Variants in C4orf50 observed in about 807,000 individuals in gnomAD.
C4orf50 encodes the protein uncharacterized protein C4orf50.
In C4orf50, 80 loss-of-function variants were observed where a neutral mutation model predicts 77.2. That is an observed-to-expected ratio of 1.04 (90% CI 0.87 to 1.25). C4orf50 has a LOEUF of 1.25. Ranked by LOEUF, C4orf50 falls within the 50% of genes most tolerant of loss-of-function variation. The probability of loss-of-function intolerance (pLI) is 0.00; values close to 1 mark genes in which losing one functional copy is unlikely to be tolerated. For synonymous variants in C4orf50, 532 were observed against 465.3 expected (o/e 1.14, Z -1.84); for missense variants, 1,257 against 1,152.9 (o/e 1.09, Z -1.31).
chr4:5,989,825 C>T, exon 28 of C4orf50: 1 of 1,482,410 alleles, frequency 6.7e-7, no homozygotes, highest in South Asian at 1.3e-5. Flanking sequence ...CCCCTGCACC[C>T]CAGACCGGAT....
intron 7 of C4orf50, among the ~76,000 whole-genome samples, chr4:5,935,612 C>G (rs1272016281): frequency 1.3e-5 from 2 of 151,664 alleles, no homozygotes; most frequent in Non-Finnish European, 2.9e-5. Flanking sequence ...ATAGTGAAAC[C>G]CCGTCTGTAC....
intron 7 of C4orf50, among the ~76,000 whole-genome samples, chr4:5,948,822 G>A (rs111923123): frequency 0.34 from 51,236 of 148,932 alleles, 9,343 homozygotes; most frequent in African/African-American, 0.39. Flanking sequence ...TTAGCCAGGC[G>A]TGGTGGTGGA....
At chr4:5,907,959 G>A (rs1166091207) in intron 7 of C4orf50, among the ~76,000 whole-genome samples, 2 of 152,222 alleles carry the variant, frequency 1.3e-5, no homozygotes, top group African/African-American at 4.8e-5. Flanking sequence ...AATCAGCTCA[G>A]AAAGCTGGTT....
rs1489785712 is a variant in C4orf50 at position 6,004,286 on chromosome 4, TTGGTGATGA to T, written c.963+3701_963+3709del. 7.6e-3 allele frequency among the ~76,000 whole-genome samples: 216 copies of T among 28,446 alleles called. 5 individuals carry two copies. The highest frequency in any genetic ancestry group is 0.011 in the Non-Finnish European group (143 of 12,484). The allele number at this position is 28,446 out of a possible 152,430, so 18.7% of individuals were successfully genotyped here. On this transcript the variant is annotated intron_variant, in intron 25 of 33. Coordinates refer to ENST00000531445, the Ensembl canonical transcript of C4orf50. ...GATGGTGGTGATGGTGATGGTGATGTTGGTGATGATGGTGATGGTGGTGATGATGTGATC... is the reference window on the plus strand; with the variant it reads ...GATGGTGGTGATGGTGATGGTGATGTTGGTGATGGTGGTGATGATGTGATC...
At position 5,928,631 on chromosome 4, in the gene C4orf50, G is replaced by A. The variant is rs115612957; in HGVS notation, c.*2474+28270C>T. ...ATGAACACCCTGCATGCTTCCCGGT[G>A]ATAAAACATCTCCCTGGGGCCAGAA... On this transcript the variant is annotated intron_variant, in intron 7 of 7. Coordinates refer to the C4orf50 transcript ENST00000324058. 3.5e-3 allele frequency among the ~76,000 whole-genome samples: 533 copies of A among 152,286 alleles called. 1 individual carries two copies. Among genetic ancestry groups the A allele is most frequent in the African/African-American group, 0.012 (508 of 41,552 alleles).
rs936675615 is a variant in C4orf50 at position 5,992,304 on chromosome 4, A to T, written c.1221+499T>A. Among the ~76,000 whole-genome samples, 3 of 152,126 alleles carry T rather than the reference A, an allele frequency of 2.0e-5. No individual in the cohort carries two copies. Among genetic ancestry groups the T allele is most frequent in the Non-Finnish European group, 2.9e-5 (2 of 68,016 alleles). ...CCCAGCACAGCTCTGTTCCTCAGGG[A>T]TGAGAAAATGGAAGTGGAGAAAGGT... On this transcript the variant is annotated intron_variant, in intron 27 of 33. Coordinates refer to ENST00000531445, the Ensembl canonical transcript of C4orf50. This position sits in a 1 kb window ranked among gnomAD's most constrained non-coding sequence, Gnocchi z 5.0.
At chr4:5,907,396 A>G (rs139726805) in intron 7 of C4orf50, among the ~76,000 whole-genome samples, 399 of 152,330 alleles carry the variant, frequency 2.6e-3, no homozygotes, top group African/African-American at 9.1e-3. Flanking sequence ...CATCTGAGAG[A>G]CAATCATCAG....
intron 7 of C4orf50, among the ~76,000 whole-genome samples, chr4:5,925,872 A>G (rs574573449): frequency 4.7e-4 from 71 of 152,294 alleles, no homozygotes; most frequent in African/African-American, 1.6e-3. Flanking sequence ...GGGGGTCTTA[A>G]GGACTGGAGA....
chr4:5,974,394 G>T (rs1560575066), intron 30 of C4orf50, among the ~76,000 whole-genome samples: 1 of 150,800 alleles, frequency 6.6e-6, no homozygotes. Flanking sequence ...CACCTTTCCA[G>T]CTACCACGTC....
chr4:5,909,840 T>A (rs1039827438), intron 7 of C4orf50, among the ~76,000 whole-genome samples: 4 of 152,228 alleles, frequency 2.6e-5, no homozygotes, highest in Non-Finnish European at 5.9e-5. Context: ...GTCTCTGTGT[T>A]CTCTATTCTG....
intron 30 of C4orf50, among the ~76,000 whole-genome samples, chr4:5,974,995 C>T (rs35443652): frequency 0.24 from 36,098 of 151,652 alleles, 4,465 homozygotes; most frequent in Middle Eastern, 0.28. Context: ...CAAAAATTAG[C>T]CAAGTGTGGT....
Position 5,990,571 on chromosome 4 carries a change from AT to A in C4orf50, c.1474del (p.Ile492SerfsTer46). On this transcript the variant is annotated frameshift_variant, in exon 28 of 34. Coordinates refer to ENST00000531445, the Ensembl canonical transcript of C4orf50. LOFTEE classifies it high-confidence loss of function. ...GGACCTGGTGGCCAACTCTTCTTGG[AT>A]TTTTTGTCCATCTGAGGGAACCTCC... 2.5e-6 allele frequency: 1 copy of A among 398,722 alleles called. No individual in the cohort carries two copies. The highest frequency in any genetic ancestry group is 4.4e-5 in the Admixed American group (1 of 22,708). 24.7% of individuals were successfully genotyped at this position (398,722 alleles called of 1,614,324 possible).
chr4:5,926,732 C>T (rs996828983), intron 7 of C4orf50, among the ~76,000 whole-genome samples: 1 of 151,998 alleles, frequency 6.6e-6, no homozygotes, highest in African/African-American at 2.4e-5. Context: ...GGAAATAAAC[C>T]AGGCTGTAAG....
At chr4:5,989,320 G>A (rs948677454) in exon 28 of C4orf50, 2 of 1,535,886 alleles carry the variant, frequency 1.3e-6, no homozygotes, top group African/African-American at 2.7e-5. Flanking sequence ...AGGCCCCTGT[G>A]GAGGGTTTGG....
intron 7 of C4orf50, among the ~76,000 whole-genome samples, chr4:5,924,816 G>A (rs1717441250): frequency 2.0e-5 from 3 of 152,218 alleles, no homozygotes; most frequent in South Asian, 4.1e-4. Flanking sequence ...GTTGCCCATG[G>A]AACATCCAAG....
chr4:6,003,426 C>A (rs1721926877), intron 25 of C4orf50, among the ~76,000 whole-genome samples: 1 of 150,110 alleles, frequency 6.7e-6, no homozygotes, highest in African/African-American at 2.5e-5. Context: ...AGGAGGGTGG[C>A]AATGGTGATG....
chr4:5,937,966 T>C (rs752696168), intron 7 of C4orf50, among the ~76,000 whole-genome samples: 9 of 152,126 alleles, frequency 5.9e-5, no homozygotes, highest in Admixed American at 1.3e-4. Flanking sequence ...AGAATCGCCA[T>C]AGTTGGGTAT....
intron 7 of C4orf50, among the ~76,000 whole-genome samples, chr4:5,935,391 A>G (rs754741101): frequency 3.1e-4 from 47 of 152,248 alleles, no homozygotes; most frequent in Non-Finnish European, 5.3e-4. Context: ...CATCCTTAAG[A>G]AGATGTAACC....
At chr4:5,989,301 G>A in exon 28 of C4orf50, 1 of 1,536,108 alleles carries the variant, frequency 6.5e-7, no homozygotes, top group Non-Finnish European at 8.7e-7. Flanking sequence ...GGGCACCCCA[G>A]GGCTCAGCAG....
Sources: gnomAD v4.1 joint callset for allele counts (sites outside exome capture counted in the v4.1 genomes callset) on GRCh38, gnomAD v4.1.1 for gene constraint, Gnocchi (gnomAD v3.1) non-coding constraint, MANE v1.5 for transcripts, NCBI Gene and HGNC (gene_info 2026-07-23, HGNC 2026-07-21) for gene names.